SLC14A2: variants seen among roughly 807,000 people sequenced by gnomAD.
The protein encoded by SLC14A2 is solute carrier family 14 member 2.
A neutral mutation model predicts 104.6 loss-of-function variants in SLC14A2; 91 were observed. The observed-to-expected ratio is 0.87, with a 90% CI of 0.73 to 1.04. SLC14A2 has a LOEUF of 1.04. Among genes scored for constraint, SLC14A2 ranks in the 50% least tolerant of loss-of-function variants. SLC14A2 has a pLI of 0.00. For synonymous variants in SLC14A2, 476 were observed against 466.4 expected (o/e 1.02, Z -0.27); for missense variants, 1,189 against 1,156.0 (o/e 1.03, Z -0.41).
chr18:45,430,997 T>C lies in SLC14A2; in HGVS notation c.-124-52236T>C, dbSNP rs116954114. ...TGACTTTTTAGAGGAGAAGGAAATGTGCAAAGATGAAGTTCAGGATCCAGG... is the reference window on the plus strand; with the variant it reads ...TGACTTTTTAGAGGAGAAGGAAATGCGCAAAGATGAAGTTCAGGATCCAGG... On this transcript the variant is annotated intron_variant, in intron 1 of 20. Coordinates refer to the SLC14A2 transcript ENST00000586448. Among the ~76,000 whole-genome samples the C allele has an allele frequency of 4.8e-4, 73 of 152,318 alleles. 1 individual carries two copies. The East Asian group carries it at 0.014, about 29-fold the overall frequency.
chr18:45,400,502 G>A (rs760268268), intron 1 of SLC14A2, among the ~76,000 whole-genome samples: 41 of 152,098 alleles, frequency 2.7e-4, no homozygotes, highest in Admixed American at 2.0e-3. Context: ...ATCTTTGATC[G>A]GTTGATTTAG....
Position 45,473,275 on chromosome 18 carries a change from T to C in SLC14A2, c.-124-9958T>C, listed in dbSNP as rs540128355. Reference sequence around the variant, plus strand: ...ACCAGTACCATGCTGTTTTGGTTACTGTAGCGTTGTAGTATGGTTTGAAGT... The same window carrying C: ...ACCAGTACCATGCTGTTTTGGTTACCGTAGCGTTGTAGTATGGTTTGAAGT... On this transcript the variant is annotated intron_variant, in intron 1 of 20. Coordinates refer to the SLC14A2 transcript ENST00000586448. Among the ~76,000 whole-genome samples, 167 of 152,382 alleles carry C rather than the reference T, an allele frequency of 1.1e-3. 1 individual carries two copies. Among genetic ancestry groups the C allele is most frequent in the African/African-American group, 3.8e-3 (158 of 41,590 alleles).
chr18:45,640,901 A>G (rs1231044587), intron 7 of SLC14A2, among the ~76,000 whole-genome samples: 2 of 152,218 alleles, frequency 1.3e-5, no homozygotes, highest in East Asian at 3.8e-4. Context: ...CTTTCTTGCT[A>G]AGACTGCAGT....
chr18:45,202,439 G>A, the SLC14A2 span, among the ~76,000 whole-genome samples: 1 of 152,164 alleles, frequency 6.6e-6, no homozygotes, highest in Non-Finnish European at 1.5e-5. Flanking sequence ...ATACAAGTGA[G>A]TCTGAGTTTT....
At chr18:45,360,041 A>G (rs912538080) in intron 1 of SLC14A2, among the ~76,000 whole-genome samples, 1 of 152,150 alleles carries the variant, frequency 6.6e-6, no homozygotes, top group African/African-American at 2.4e-5. Context: ...AGATGTCTTC[A>G]TTTTAGCCCA....
At chr18:45,352,153 A>C (rs1429171692) in intron 1 of SLC14A2, among the ~76,000 whole-genome samples, 4 of 152,138 alleles carry the variant, frequency 2.6e-5, no homozygotes, top group African/African-American at 9.7e-5. Context: ...AATCTGTAGA[A>C]GGTGCACATT....
chr18:45,533,288 T>G (rs1402462900), intron 2 of SLC14A2, among the ~76,000 whole-genome samples: 1 of 152,218 alleles, frequency 6.6e-6, no homozygotes, highest in East Asian at 1.9e-4. Flanking sequence ...AGCTCCTCCT[T>G]GTACCTCTGG....
intron 1 of SLC14A2, among the ~76,000 whole-genome samples, chr18:45,420,258 T>C (rs917427592): frequency 2.0e-5 from 3 of 152,224 alleles, no homozygotes; most frequent in Admixed American, 1.3e-4. Flanking sequence ...GTGGCTGGCT[T>C]CTCTCAGAGT....
At chr18:45,403,784 A>ATGAATGAATGAATGAT (rs2086122802) in intron 1 of SLC14A2, among the ~76,000 whole-genome samples, 1 of 152,112 alleles carries the variant, frequency 6.6e-6, no homozygotes, top group Admixed American at 6.6e-5. Context: ...GAATGAATGA[A>ATGAATGAATGAATGAT]TAAATGAGTG....
chr18:45,547,577 T>C (rs72902382), intron 2 of SLC14A2, among the ~76,000 whole-genome samples: 13,745 of 152,288 alleles, frequency 0.09, 765 homozygotes, highest in Non-Finnish European at 0.12. Context: ...ACCTGGGAAC[T>C]GTATCTGAGT....
chr18:45,447,424 G>T (rs1367251895), intron 1 of SLC14A2: 1 of 152,162 alleles, frequency 6.6e-6, no homozygotes, highest in Non-Finnish European at 1.5e-5. Flanking sequence ...CCATGTTTGG[G>T]TTGCTGCAGA....
chr18:45,583,661 GA>G (rs2044529263), intron 2 of SLC14A2, among the ~76,000 whole-genome samples: 1 of 151,996 alleles, frequency 6.6e-6, no homozygotes, highest in South Asian at 2.1e-4. Context: ...ATCCAGATAA[GA>G]AATCTTGGGA....
intron 1 of SLC14A2, among the ~76,000 whole-genome samples, chr18:45,401,621 A>G (rs1426806543): frequency 6.6e-6 from 1 of 152,242 alleles, no homozygotes; most frequent in Non-Finnish European, 1.5e-5. Flanking sequence ...TTTCAAACAC[A>G]AAAGTGGCCT....
intron 2 of SLC14A2, among the ~76,000 whole-genome samples, chr18:45,543,293 C>T (rs2043918302): frequency 1.3e-5 from 2 of 151,784 alleles, no homozygotes; most frequent in Non-Finnish European, 2.9e-5. Context: ...TAGGCTTACC[C>T]AAGATAATAT....
At chr18:45,439,557 A>T (rs2086650547) in intron 1 of SLC14A2, among the ~76,000 whole-genome samples, 1 of 152,190 alleles carries the variant, frequency 6.6e-6, no homozygotes, top group Non-Finnish European at 1.5e-5. Flanking sequence ...AACACAACCA[A>T]CCTGTTTCTT....
chr18:45,587,024 G>C (rs2044576006), intron 2 of SLC14A2, among the ~76,000 whole-genome samples: 1 of 151,998 alleles, frequency 6.6e-6, no homozygotes, highest in African/African-American at 2.4e-5. Flanking sequence ...GTCTCACTCA[G>C]TCACCCAGGC....
intron 1 of SLC14A2, among the ~76,000 whole-genome samples, chr18:45,368,292 A>T (rs1456261992): frequency 6.6e-6 from 1 of 152,164 alleles, no homozygotes; most frequent in African/African-American, 2.4e-5. Flanking sequence ...GTTTCATGAT[A>T]TTAGAATATA....
chr18:45,500,813 C>T (rs763440422), intron 2 of SLC14A2, among the ~76,000 whole-genome samples: 1 of 152,184 alleles, frequency 6.6e-6, no homozygotes, highest in African/African-American at 2.4e-5. Context: ...TACCTTTTCA[C>T]CAGGTTCTAT....
rs2044183543 is a variant in SLC14A2, at chr18:45,560,210, T to A, written c.-34-64421T>A. On this transcript the variant is annotated intron_variant, in intron 2 of 20. Transcript: ENST00000586448. ...GGTTGTTAAACACTTGTACCTATTT[T>A]ATTCATTAAAACCTTAGCAGACCAG... 2.0e-5 allele frequency among the ~76,000 whole-genome samples: 3 copies of A among 152,356 alleles called. No homozygotes were observed. In the South Asian group the frequency reaches 6.2e-4, roughly 32 times the overall value.
Sources: allele counts gnomAD v4.1 joint callset (sites outside exome capture counted in the v4.1 genomes callset), GRCh38; gene constraint gnomAD v4.1.1; transcripts MANE v1.5; gene names NCBI Gene and HGNC (gene_info 2026-07-23, HGNC 2026-07-21).